The following GRHL3 variants were observed in gnomAD, a reference collection of about 807,000 sequenced individuals.
GRHL3 encodes the protein grainyhead-like protein 3 homolog.
GRHL3 carries 20 observed loss-of-function variants against 70.3 expected under a neutral mutation model. That is an observed-to-expected ratio of 0.28 (90% CI 0.20 to 0.41). The LOEUF (loss-of-function observed/expected upper bound fraction) is 0.41. Ranked by LOEUF, GRHL3 falls within the 10% of genes least tolerant of loss-of-function variation. The probability of loss-of-function intolerance (pLI) is 1.00; values close to 1 mark genes in which losing one functional copy is unlikely to be tolerated. For missense variants in GRHL3, 637 were observed against 762.3 expected, an observed-to-expected ratio of 0.84 and a Z score of 1.94; for synonymous variants, 299 against 299.9, an observed-to-expected ratio of 1.00 and a Z score of 0.03.
At chr1:24,362,454 G>A (rs1376307503) in intron 15 of GRHL3, among the ~76,000 whole-genome samples, 1 of 152,186 alleles carries the variant, frequency 6.6e-6, no homozygotes, top group Non-Finnish European at 1.5e-5. Flanking sequence ...CTGGCTGTAA[G>A]ACAAGGCCCC....
At position 24,322,994 on chromosome 1, in the gene GRHL3, T is replaced by C; in HGVS notation, c.17+3426T>C. ...TAACCGGGTCTTAGCCGAGCAGCCA[T>C]AGGCCACCCCGCTTCCTCTGTGCTT... is the stretch of plus-strand genomic sequence containing the variant. On this transcript the variant is annotated intron_variant, in intron 1 of 15. Transcript: ENST00000361548. The surrounding 1 kb of genome is among the most constrained non-coding windows in gnomAD (Gnocchi z 4.4). The C allele has an allele frequency of 2.4e-6, 3 of 1,256,164 alleles. No homozygotes were observed. Among genetic ancestry groups the C allele is most frequent in the South Asian group, 2.6e-5 (2 of 77,304 alleles). 77.8% of individuals were successfully genotyped at this position (1,256,164 alleles called of 1,614,324 possible).
chr1:24,338,239 T>C (rs983344015), intron 7 of GRHL3, 136 bp downstream of exon 7: 2 of 586,230 alleles, frequency 3.4e-6, no homozygotes, highest in Non-Finnish European at 5.9e-6. Context: ...CCGTGGGGTT[T>C]GCAAGGATTT....
At chr1:24,354,257 G>T (rs911392878) in intron 15 of GRHL3, 117 bp from the exon 16 acceptor site, 16 of 654,154 alleles carry the variant, frequency 2.4e-5, no homozygotes, top group Middle Eastern at 2.5e-4. Flanking sequence ...GGTTTGTGAG[G>T]TGCCTAAAAT....
intron 2 of GRHL3, among the ~76,000 whole-genome samples, chr1:24,332,999 T>C (rs1017515687): frequency 2.0e-5 from 3 of 152,188 alleles, no homozygotes; most frequent in African/African-American, 7.2e-5. Flanking sequence ...GGAGCCAGAA[T>C]TCTAGATCTA....
intron 1 of GRHL3, chr1:24,323,129 A>G (rs764661384): frequency 4.7e-6 from 7 of 1,475,546 alleles, no homozygotes; most frequent in African/African-American, 4.2e-5. Flanking sequence ...TAGGTTCTAC[A>G]TGTTATATAT....
chr1:24,326,632 C>G (rs1281878933), intron 1 of GRHL3, among the ~76,000 whole-genome samples: 1 of 152,186 alleles, frequency 6.6e-6, no homozygotes, highest in Admixed American at 6.5e-5. Context: ...CAGGTTCTGG[C>G]ACATAGTAGT....
chr1:24,331,778 C>T (rs1639626133), intron 2 of GRHL3, among the ~76,000 whole-genome samples, 166 bp downstream of exon 2: 1 of 152,168 alleles, frequency 6.6e-6, no homozygotes, highest in Non-Finnish European at 1.5e-5. Context: ...TGGCTAACCC[C>T]TACTCTCAAC....
intron 1 of GRHL3, among the ~76,000 whole-genome samples, chr1:24,329,482 T>C (rs906884300): frequency 4.6e-5 from 7 of 152,208 alleles, no homozygotes; most frequent in African/African-American, 2.4e-5. Flanking sequence ...GGAAAAGCAG[T>C]GTGGCTGCGT....
chr1:24,343,632 T>C lies in GRHL3; in HGVS notation c.1419+607T>C, dbSNP rs1640134100. On this transcript the variant is annotated intron_variant, in intron 11 of 15. Transcript: ENST00000361548. ...GCAGCCAGGAGTGGGCTGGGTTCCC[T>C]GTTACAGCTGTCCTCCGAGAGACTG... Among the ~76,000 whole-genome samples the C allele has an allele frequency of 2.6e-5, 4 of 152,238 alleles. No individual in the cohort carries two copies. In the South Asian group the frequency reaches 8.3e-4, roughly 32 times the overall value.
intron 2 of GRHL3, among the ~76,000 whole-genome samples, chr1:24,332,171 T>G (rs1639638632): frequency 6.6e-6 from 1 of 152,192 alleles, no homozygotes; most frequent in South Asian, 2.1e-4. Context: ...CCCCACCACC[T>G]GGAGTATACC....
intron 15 of GRHL3, among the ~76,000 whole-genome samples, chr1:24,361,247 C>T (rs1472671505): frequency 6.6e-6 from 1 of 152,132 alleles, no homozygotes; most frequent in Non-Finnish European, 1.5e-5. Flanking sequence ...CATGATGGGA[C>T]CTACTTTGAG....
intron 12 of GRHL3, 54 bp downstream of exon 12, chr1:24,344,985 CTG>C (rs1640193533): frequency 4.6e-5 from 24 of 525,840 alleles, no homozygotes; most frequent in African/African-American, 7.4e-5. Flanking sequence ...CCCTCCACAC[CTG>C]TGCCCCCTCC....
At chr1:24,335,669 G>T (rs556073452) in intron 3 of GRHL3, among the ~76,000 whole-genome samples, 1 of 150,294 alleles carries the variant, frequency 6.7e-6, no homozygotes, top group African/African-American at 2.5e-5. Flanking sequence ...TGCAAGCTCC[G>T]TCTCCCGGGT....
At chr1:24,328,189 C>T (rs1294443387) in intron 1 of GRHL3, among the ~76,000 whole-genome samples, 1 of 152,234 alleles carries the variant, frequency 6.6e-6, no homozygotes, top group Non-Finnish European at 1.5e-5. Flanking sequence ...TAGCACAGGG[C>T]TTGAATGCTT....
intron 14 of GRHL3, 133 bp downstream of exon 14, chr1:24,347,686 C>A: frequency 1.4e-6 from 1 of 705,958 alleles, no homozygotes. Context: ...CCCACCCTGT[C>A]CAGGGGGCCT....
At chr1:24,326,372 C>CTCCTCCACCCCTCTTG (rs1639389090) in intron 1 of GRHL3, among the ~76,000 whole-genome samples, 4 of 150,584 alleles carry the variant, frequency 2.7e-5, no homozygotes, top group Non-Finnish European at 5.9e-5. Context: ...CACCCCTCTT[C>CTCCTCCACCCCTCTTG]TCCTCCACCC....
chr1:24,336,433 C>T (rs1557696387), intron 3 of GRHL3, 49 bp from the exon 4 acceptor site: 3 of 1,322,838 alleles, frequency 2.3e-6, no homozygotes, highest in Non-Finnish European at 3.1e-6. Context: ...CAAAGACCCC[C>T]CTTTACCCCC....
downstream of GRHL3, chr1:24,357,805 T>C (rs568596992): frequency 3.7e-6 from 1 of 267,894 alleles, no homozygotes; most frequent in South Asian, 4.7e-5. Context: ...ACAGGCCATG[T>C]GGACTCCATG....
At chr1:24,359,328 A>G (rs748596179), downstream of GRHL3, among the ~76,000 whole-genome samples, 2 of 152,238 alleles carry the variant, frequency 1.3e-5, no homozygotes, top group Non-Finnish European at 2.9e-5. This position sits in a 1 kb window ranked among gnomAD's most constrained non-coding sequence, Gnocchi z 5.3. Flanking sequence ...TCATTCGGGC[A>G]ATGCTTCCAG....
Sources: allele counts gnomAD v4.1 joint callset (sites outside exome capture counted in the v4.1 genomes callset), GRCh38; gene constraint gnomAD v4.1.1; non-coding constraint Gnocchi (gnomAD v3.1); transcripts MANE v1.5; gene names NCBI Gene and HGNC (gene_info 2026-07-23, HGNC 2026-07-21).